KLRD1: variants seen among roughly 807,000 people sequenced by gnomAD.
KLRD1 encodes natural killer cells antigen CD94.
Under a neutral mutation model 22.6 loss-of-function variants are expected in KLRD1, and 21 were observed. The observed-to-expected ratio is 0.93, with a 90% CI of 0.66 to 1.34. KLRD1 has a LOEUF of 1.34. KLRD1 is among the 40% of genes most tolerant of loss of function. The probability of loss-of-function intolerance (pLI) is 0.00; values close to 1 mark genes in which losing one functional copy is unlikely to be tolerated. For missense variants in KLRD1, 183 were observed against 208.6 expected (o/e 0.88, Z 0.76); for synonymous variants, 59 against 71.1 (o/e 0.83, Z 0.85).
intron 1 of KLRD1, among the ~76,000 whole-genome samples, chr12:10,245,243 A>G (rs1461648261): frequency 6.6e-6 from 1 of 152,170 alleles, no homozygotes; most frequent in African/African-American, 2.4e-5. Context: ...TTGTAATCCC[A>G]GCTACTCAGG....
rs1950352269 is a variant in KLRD1 at position 10,325,490 on chromosome 12, G to C, written c.*10697G>C. On this transcript the variant is annotated 3_prime_UTR_variant, in exon 6 of 6. Transcript: ENST00000336164. ...TATAATTTATTCATCTTGCATAATT[G>C]AGGCTTTATGCCCTTTGATTAACGA... 2.0e-5 allele frequency: 3 copies of C among 152,208 alleles called. No individual in the cohort carries two copies. The South Asian group carries it at 6.2e-4, about 32-fold the overall frequency. 9.4% of individuals were successfully genotyped at this position (152,208 alleles called of 1,614,324 possible).
chr12:10,294,901 A>G (rs542165156), intron 1 of KLRD1, among the ~76,000 whole-genome samples: 1 of 152,358 alleles, frequency 6.6e-6, no homozygotes, highest in Admixed American at 6.5e-5. Context: ...AGTAAGATAA[A>G]TTATCAAACC....
intron 1 of KLRD1, among the ~76,000 whole-genome samples, chr12:10,285,938 TCTC>T (rs1949697807): frequency 6.6e-6 from 1 of 152,172 alleles, no homozygotes; most frequent in South Asian, 2.1e-4. Flanking sequence ...TGGTCTCTTC[TCTC>T]CTCCTTAAGC....
intron 1 of KLRD1, among the ~76,000 whole-genome samples, chr12:10,251,132 A>G (rs76630979): frequency 1.9e-3 from 292 of 151,466 alleles, no homozygotes; most frequent in Non-Finnish European, 3.5e-3. Flanking sequence ...TTATTATACT[A>G]TTTTCTTTTT....
intron 1 of KLRD1, among the ~76,000 whole-genome samples, chr12:10,246,988 C>T (rs1336388108): frequency 8.3e-5 from 12 of 144,848 alleles, no homozygotes; most frequent in African/African-American, 2.6e-4. Flanking sequence ...TCTGGAGTGC[C>T]GTGGCACGAT....
chr12:10,278,982 C>A (rs1274441500), intron 1 of KLRD1, among the ~76,000 whole-genome samples: 1 of 137,120 alleles, frequency 7.3e-6, no homozygotes, highest in Non-Finnish European at 1.6e-5. Flanking sequence ...AACATGTTAG[C>A]ATCAGTTTTT....
At chr12:10,297,517 T>C (rs3887219) in intron 1 of KLRD1, among the ~76,000 whole-genome samples, 12 of 152,182 alleles carry the variant, frequency 7.9e-5, no homozygotes, top group Non-Finnish European at 1.3e-4. Context: ...TAAAATAATT[T>C]TATATGCTTT....
intron 1 of KLRD1, among the ~76,000 whole-genome samples, chr12:10,290,638 C>T (rs1949759447): frequency 1.3e-5 from 2 of 152,130 alleles, no homozygotes; most frequent in Non-Finnish European, 2.9e-5. Context: ...TAAATGTTCA[C>T]AACTCTCCCC....
chr12:10,276,783 G>C (rs183341220), intron 1 of KLRD1, among the ~76,000 whole-genome samples: 2 of 152,026 alleles, frequency 1.3e-5, no homozygotes, highest in African/African-American at 4.8e-5. Context: ...GCACCAGGAA[G>C]TTTGACCTCT....
chr12:10,311,689 T>C (rs543539858), intron 4 of KLRD1, 74 bp downstream of exon 4: 7 of 1,457,260 alleles, frequency 4.8e-6, no homozygotes, highest in Admixed American at 3.7e-5. Context: ...TTAAATACTT[T>C]GGTTTAAGTC....
intron 1 of KLRD1, among the ~76,000 whole-genome samples, chr12:10,254,078 C>G (rs542840252): frequency 1.3e-5 from 2 of 152,106 alleles, no homozygotes; most frequent in South Asian, 4.1e-4. Context: ...GCAACAAAAG[C>G]AAAAATTGAC....
chr12:10,269,580 A>G (rs966835151), intron 1 of KLRD1, among the ~76,000 whole-genome samples: 5 of 152,208 alleles, frequency 3.3e-5, no homozygotes, highest in African/African-American at 1.2e-4. Flanking sequence ...AAGTCATTTT[A>G]TCATAGTACG....
chr12:10,310,130 A>T (rs1031681080), intron 3 of KLRD1, among the ~76,000 whole-genome samples: 43 of 152,236 alleles, frequency 2.8e-4, no homozygotes, highest in African/African-American at 8.4e-4. Flanking sequence ...TCGTTTTTGG[A>T]GATGGAGTTT....
At chr12:10,277,603 TACTTC>T (rs916707489) in intron 1 of KLRD1, among the ~76,000 whole-genome samples, 13 of 152,202 alleles carry the variant, frequency 8.5e-5, no homozygotes, top group African/African-American at 3.1e-4. Context: ...ATGATTTTTT[TACTTC>T]ACTTATTTCT....
At chr12:10,257,815 G>A (rs1230287906) in intron 1 of KLRD1, among the ~76,000 whole-genome samples, 1 of 151,712 alleles carries the variant, frequency 6.6e-6, no homozygotes, top group African/African-American at 2.4e-5. Context: ...TGAAAATTGA[G>A]CACTTGAAAA....
At chr12:10,251,273 C>G (rs922319558) in intron 1 of KLRD1, among the ~76,000 whole-genome samples, 3 of 152,074 alleles carry the variant, frequency 2.0e-5, no homozygotes, top group Admixed American at 6.5e-5. Context: ...TACAGGCAAG[C>G]ACCACCAAGC....
upstream of KLRD1, among the ~76,000 whole-genome samples, chr12:10,307,165 AG>A (rs1366588949): frequency 6.6e-6 from 1 of 152,218 alleles, no homozygotes; most frequent in African/African-American, 2.4e-5. Flanking sequence ...TGTATATCGA[AG>A]TATCAGTATA....
chr12:10,239,592 TC>T (rs1949222819), intron 1 of KLRD1, among the ~76,000 whole-genome samples: 2 of 149,304 alleles, frequency 1.3e-5, no homozygotes, highest in Middle Eastern at 3.2e-3. Flanking sequence ...TCTTTTTCTT[TC>T]TTTCTTTCTC....
Position 10,286,082 on chromosome 12 carries a change from C to T in KLRD1, c.-100-21896C>T, listed in dbSNP as rs989489758. 5.9e-5 allele frequency among the ~76,000 whole-genome samples: 9 copies of T among 152,144 alleles called. No homozygotes were observed. In the South Asian group the frequency reaches 8.3e-4, roughly 14 times the overall value. ...CATCCACTTTATCCCCAACATCCTG[C>T]GGCCACACCAAGACCAGTGTAGGTG... On this transcript the variant is annotated intron_variant, in intron 1 of 5. Transcript: ENST00000544747.
Sources: gnomAD v4.1 joint callset for allele counts (sites outside exome capture counted in the v4.1 genomes callset) on GRCh38, gnomAD v4.1.1 for gene constraint, MANE v1.5 for transcripts, NCBI Gene and HGNC (gene_info 2026-07-23, HGNC 2026-07-21) for gene names.